RNF43: variants seen among roughly 807,000 people sequenced by gnomAD.
RNF43 encodes the protein E3 ubiquitin-protein ligase RNF43.
RNF43 carries 37 observed loss-of-function variants against 78.4 expected under a neutral mutation model. The observed-to-expected ratio is 0.47, with a 90% CI of 0.36 to 0.62. The LOEUF is 0.62. Among genes scored for constraint, RNF43 ranks in the 20% least tolerant of loss-of-function variants. RNF43 has a pLI of 0.00. For synonymous variants in RNF43, 347 were observed against 395.0 expected (o/e 0.88, Z 1.44); for missense variants, 774 against 1,007.9 (o/e 0.77, Z 3.14).
At chr17:58,399,942 T>G (rs984492032) in intron 2 of RNF43, among the ~76,000 whole-genome samples, 1 of 151,974 alleles carries the variant, frequency 6.6e-6, no homozygotes, top group Non-Finnish European at 1.5e-5. Flanking sequence ...ACCCAGCCAA[T>G]AGCAGCAATT....
rs1274290910 is a variant in RNF43 at position 58,363,293 on chromosome 17, C to T, written c.564G>A (p.Leu188=). 6.2e-7 allele frequency: 1 copy of T among 1,613,850 alleles called. No individual in the cohort carries two copies. The highest frequency in any genetic ancestry group is 8.5e-7 in the Non-Finnish European group (1 of 1,180,026). Residue 188 remains leucine, a synonymous_variant, in exon 5 of 10, where the codon CTG becomes CTA. Coordinates refer to ENST00000407977, the MANE Select transcript of RNF43 (RefSeq NM_017763.6). ...TGCTTACCCAGGCCGGGGGCTCCTT[C>T]AGCTCAATCCTCACATGGGCCTTTT... ...KNQKAHVRIE[L]KEPPAWPDYD...
At chr17:58,362,707 G>C in intron 5 of RNF43, 59 bp from the exon 6 acceptor site, 1 of 1,384,700 alleles carries the variant, frequency 7.2e-7, no homozygotes, top group South Asian at 1.3e-5. Context: ...GGTCAATTCG[G>C]GAGGAAACAC....
At chr17:58,413,365 C>T (rs567542948) in intron 2 of RNF43, among the ~76,000 whole-genome samples, 5 of 152,000 alleles carry the variant, frequency 3.3e-5, no homozygotes, top group East Asian at 3.9e-4. Flanking sequence ...GACAATAAAC[C>T]GAAACCAATA....
chr17:58,402,581 T>A (rs1973828397), intron 2 of RNF43: 1 of 152,194 alleles, frequency 6.6e-6, no homozygotes, highest in Non-Finnish European at 1.5e-5. Flanking sequence ...CTGAGAACAA[T>A]GCCCTATAAA....
intron 2 of RNF43, among the ~76,000 whole-genome samples, chr17:58,403,548 G>A (rs1973847240): frequency 1.3e-5 from 2 of 152,164 alleles, no homozygotes; most frequent in South Asian, 4.1e-4. Context: ...AGGCCTCTAA[G>A]AAGGCGCTTT....
At chr17:58,396,594 C>CT (rs1973687045) in intron 2 of RNF43, among the ~76,000 whole-genome samples, 1 of 152,106 alleles carries the variant, frequency 6.6e-6, no homozygotes, top group African/African-American at 2.4e-5. Context: ...TCTCAACAGG[C>CT]AAAATTTCAA....
intron 2 of RNF43, among the ~76,000 whole-genome samples, chr17:58,374,639 C>T (rs957189243): frequency 6.6e-6 from 1 of 152,120 alleles, no homozygotes; most frequent in Non-Finnish European, 1.5e-5. Context: ...GATCTGCCTG[C>T]CTCGGCCTCC....
At position 58,358,133 on chromosome 17, in the gene RNF43, A is replaced by G. The variant is rs1163715439; in HGVS notation, c.1643T>C (p.Val548Ala). 1 of 1,612,948 alleles carries G rather than the reference A, an allele frequency of 6.2e-7. No individual in the cohort carries two copies. The highest frequency in any genetic ancestry group is 8.5e-7 in the Non-Finnish European group (1 of 1,179,642). ...PTGETQVSSHVHYHRHRHHHY... is the reference protein window; with the variant it reads ...PTGETQVSSHAHYHRHRHHHY... ...GTGGTGCCGGTGGCGGTGGTAGTGGACATGGCTGGAAACCTGGGTTTCCCC... is the reference window on the plus strand; with the variant it reads ...GTGGTGCCGGTGGCGGTGGTAGTGGGCATGGCTGGAAACCTGGGTTTCCCC... Residue 548 changes from valine to alanine, a missense_variant, in exon 9 of 10, where the codon GTC (valine) becomes GCC (alanine). Physicochemically the swap from Val to Ala is moderately conservative, Grantham distance 64. Transcript: ENST00000407977. This position sits in a 1 kb window ranked among gnomAD's most constrained non-coding sequence, Gnocchi z 6.2.
Position 58,354,529 on chromosome 17 carries a change from T to C in RNF43, c.*414A>G. Reference sequence around the variant, plus strand: ...GGTGATAAGGTGTCATGCGTTCTGCTGAACCCACTGGCTGGTATGAACATG... The same window carrying C: ...GGTGATAAGGTGTCATGCGTTCTGCCGAACCCACTGGCTGGTATGAACATG... On this transcript the variant is annotated 3_prime_UTR_variant, in exon 10 of 10. Transcript: ENST00000407977. The C allele has an allele frequency of 3.1e-6, 1 of 322,398 alleles. No homozygotes were observed. Among genetic ancestry groups the C allele is most frequent in the South Asian group, 5.1e-5 (1 of 19,792 alleles). 20.0% of individuals were successfully genotyped at this position (322,398 alleles called of 1,614,324 possible). A position where few individuals can be genotyped will look rare whatever the true frequency, so the allele number is the denominator to read the frequency against.
chr17:58,363,556 G>A lies in RNF43; in HGVS notation c.420C>T (p.Asp140=), dbSNP rs201665096. 1.2e-5 allele frequency: 19 copies of A among 1,612,824 alleles called. No homozygotes were observed. The highest frequency in any genetic ancestry group is 2.2e-5 in the East Asian group (1 of 44,860). The part of the protein sequence containing the change: ...GERGASAVLF[D]ITEDRAAAEQ... ...CAGCAGCAGCTCGATCCTCAGTGAT[G>A]TCAAAGAGGACAGCACTGGCTCCTC... The change falls in exon 4 of 10, where the codon GAC becomes GAT. Residue 140 remains aspartate (D), a synonymous_variant. Coordinates refer to ENST00000407977, the MANE Select transcript of RNF43 (RefSeq NM_017763.6).
intron 2 of RNF43, among the ~76,000 whole-genome samples, chr17:58,410,029 C>A (rs533002999): frequency 6.6e-6 from 1 of 151,180 alleles, no homozygotes; most frequent in Non-Finnish European, 1.5e-5. Context: ...CCCCACCAAC[C>A]GAGAGTCTGC....
chr17:58,377,199 T>A (rs1457494855), intron 2 of RNF43, among the ~76,000 whole-genome samples: 1 of 152,186 alleles, frequency 6.6e-6, no homozygotes, highest in Non-Finnish European at 1.5e-5. Flanking sequence ...ATGCTTTGTG[T>A]AGACAGGAGA....
intron 2 of RNF43, among the ~76,000 whole-genome samples, chr17:58,404,510 T>C (rs1372676933): frequency 6.6e-6 from 1 of 152,228 alleles, no homozygotes; most frequent in Non-Finnish European, 1.5e-5. Context: ...AAATGTTTAA[T>C]GTATGTCATA....
intron 2 of RNF43, among the ~76,000 whole-genome samples, chr17:58,402,283 T>G (rs148101041): frequency 3.7e-4 from 56 of 152,344 alleles, no homozygotes; most frequent in African/African-American, 1.3e-3. Flanking sequence ...TTCTAACCAC[T>G]ACTCTGTGGT....
chr17:58,361,497 A>G (rs1196217234), intron 6 of RNF43, among the ~76,000 whole-genome samples: 1 of 152,110 alleles, frequency 6.6e-6, no homozygotes, highest in East Asian at 1.9e-4. Flanking sequence ...CATTACTGTC[A>G]CCTGGATTCC....
intron 2 of RNF43, among the ~76,000 whole-genome samples, chr17:58,406,925 TA>T (rs566672639): frequency 6.6e-6 from 1 of 152,166 alleles, no homozygotes; most frequent in African/African-American, 2.4e-5. Flanking sequence ...GATAGGTACA[TA>T]ATAATTTAAT....
chr17:58,368,547 G>T (rs7219031), intron 3 of RNF43, among the ~76,000 whole-genome samples: 1 of 135,308 alleles, frequency 7.4e-6, no homozygotes, highest in Admixed American at 7.3e-5. Flanking sequence ...ACTCCATCTC[G>T]TTAAAAAAAA....
At chr17:58,352,979 G>A (rs1389533916), downstream of RNF43, 1 of 217,706 alleles carries the variant, frequency 4.6e-6, no homozygotes, top group Non-Finnish European at 9.2e-6. Flanking sequence ...AGGGGAACTT[G>A]TGCCTTGTGA....
intron 8 of RNF43, among the ~76,000 whole-genome samples, chr17:58,359,316 G>A (rs764603710): frequency 2.0e-5 from 3 of 151,954 alleles, no homozygotes; most frequent in African/African-American, 4.8e-5. Context: ...GATTATCTAC[G>A]GCCGGGCGCG....
Sources: allele counts gnomAD v4.1 joint callset (sites outside exome capture counted in the v4.1 genomes callset), GRCh38; gene constraint gnomAD v4.1.1; non-coding constraint Gnocchi (gnomAD v3.1); transcripts MANE v1.5; gene names NCBI Gene and HGNC (gene_info 2026-07-23, HGNC 2026-07-21).